GRIN2D: variants seen among roughly 807,000 people sequenced by gnomAD.
GRIN2D encodes the protein glutamate ionotropic receptor NMDA type subunit 2D.
A neutral mutation model predicts 103.2 loss-of-function variants in GRIN2D; 37 were observed. The ratio of observed to expected loss-of-function variants is 0.36; its 90% confidence interval spans 0.28 to 0.47. The LOEUF (loss-of-function observed/expected upper bound fraction) is 0.47. Among genes scored for constraint, GRIN2D ranks in the 20% least tolerant of loss-of-function variants. The pLI, the probability that GRIN2D is intolerant of heterozygous loss-of-function variation, is 1.00. For missense variants in GRIN2D, 1,557 were observed against 1,910.6 expected (o/e 0.81, Z 3.45); for synonymous variants, 845 against 885.6 (o/e 0.95, Z 0.81).
intron 2 of GRIN2D, among the ~76,000 whole-genome samples, chr19:48,397,043 T>C (rs1970651775): frequency 6.6e-6 from 1 of 152,028 alleles, no homozygotes; most frequent in African/African-American, 2.4e-5. Context: ...AGAGAGGCTG[T>C]ATTTCCTCTA....
At chr19:48,395,144 C>T (rs951992324) in intron 2 of GRIN2D, among the ~76,000 whole-genome samples, 5 of 151,922 alleles carry the variant, frequency 3.3e-5, no homozygotes, top group African/African-American at 9.7e-5. Flanking sequence ...TGAGTCCCTA[C>T]ACCTCAGACC....
At position 48,419,248 on chromosome 19, in the gene GRIN2D, G is replaced by A. The variant is rs781357526; in HGVS notation, c.1750G>A (p.Ala584Thr). The A allele has an allele frequency of 1.2e-6, 2 of 1,608,272 alleles. No homozygotes were observed. Among genetic ancestry groups the A allele is most frequent in the South Asian group, 1.1e-5 (1 of 90,986 alleles). Residue 584 changes from alanine (A) to threonine (T), a missense_variant, in exon 9 of 14, where the codon GCC becomes ACC. Ala to Thr is a moderately conservative substitution (Grantham distance 58). This residue lies in a region of GRIN2D where 197 missense variants were observed against 334.1 expected (regional missense o/e 0.59). Transcript: ENST00000263269. ...PSAFLEPYSP[A>T]VWVMMFVMCL... ...CTTGTCCCCAGAGCCCTACAGCCCC[G>A]CCGTGTGGGTGATGATGTTCGTCAT... is the stretch of plus-strand genomic sequence containing the variant.
chr19:48,435,486 C>T (rs1435235797), intron 11 of GRIN2D, among the ~76,000 whole-genome samples: 1 of 152,012 alleles, frequency 6.6e-6, no homozygotes, highest in Non-Finnish European at 1.5e-5. Flanking sequence ...AACAGGGTTT[C>T]GCCATGTTGG....
chr19:48,406,254 C>T (rs868703988), intron 4 of GRIN2D, among the ~76,000 whole-genome samples: 34 of 152,184 alleles, frequency 2.2e-4, no homozygotes, highest in Admixed American at 3.9e-4. Context: ...GAATATTACT[C>T]CTGCACATGG....
intron 2 of GRIN2D, among the ~76,000 whole-genome samples, chr19:48,395,206 A>C (rs1970623447): frequency 6.7e-6 from 1 of 149,492 alleles, no homozygotes; most frequent in Non-Finnish European, 1.5e-5. Flanking sequence ...ATCCCCACAT[A>C]CCTGATGCCC....
chr19:48,421,539 CTT>C lies in GRIN2D; in HGVS notation c.2092-245_2092-244del, dbSNP rs1435148563. On this transcript the variant is annotated intron_variant, in intron 10 of 13. Transcript: ENST00000263269. The surrounding 1 kb of genome is among the most constrained non-coding windows in gnomAD (Gnocchi z 4.8). Reference sequence around the variant, plus strand: ...CCTCCCGCGATTCAGTAAGTGAAGACTTAACACCTGGCACATCAGGGGCCTCA... The same window carrying C: ...CCTCCCGCGATTCAGTAAGTGAAGACAACACCTGGCACATCAGGGGCCTCA... 5.9e-5 allele frequency among the ~76,000 whole-genome samples: 9 copies of C among 152,190 alleles called. No individual in the cohort carries two copies. Among genetic ancestry groups the C allele is most frequent in the Middle Eastern group, 3.2e-3 (1 of 316 alleles).
chr19:48,402,819 T>C, intron 3 of GRIN2D, among the ~76,000 whole-genome samples: 1 of 137,764 alleles, frequency 7.3e-6, no homozygotes, highest in Non-Finnish European at 1.5e-5. Flanking sequence ...GGGAACAGTC[T>C]TGAGATAGGG....
chr19:48,442,229 G>A lies in GRIN2D; in HGVS notation c.2520G>A (p.Leu840=), dbSNP rs1461017550. The A allele has an allele frequency of 6.2e-7, 1 of 1,614,090 alleles. No homozygotes were observed. Among genetic ancestry groups the A allele is most frequent in the African/African-American group, 1.3e-5 (1 of 74,924 alleles). ...AAATCGAGGTGATGAGCAGCAAGCT[G>A]GACATCGACAACATGGCGGGCGTCT... ...NDKIEVMSSK[L]DIDNMAGVFY... Residue 840 remains leucine, a synonymous_variant, in exon 13 of 14, where the codon CTG becomes CTA. Coordinates refer to ENST00000263269, the MANE Select transcript of GRIN2D (RefSeq NM_000836.4). This position sits in a 1 kb window ranked among gnomAD's most constrained non-coding sequence, Gnocchi z 7.2.
At chr19:48,441,103 G>T (rs1418039251) in intron 11 of GRIN2D, among the ~76,000 whole-genome samples, 2 of 152,074 alleles carry the variant, frequency 1.3e-5, no homozygotes, top group Non-Finnish European at 2.9e-5. Context: ...GGTTGCTCAC[G>T]CCTGTAATCT....
At chr19:48,396,382 T>C (rs963735218) in intron 2 of GRIN2D, among the ~76,000 whole-genome samples, 1 of 151,868 alleles carries the variant, frequency 6.6e-6, no homozygotes, top group Non-Finnish European at 1.5e-5. Context: ...GCTGCCCTCC[T>C]GGGCCTCAGT....
chr19:48,411,781 C>A (rs1021825354), intron 4 of GRIN2D, among the ~76,000 whole-genome samples: 3 of 151,702 alleles, frequency 2.0e-5, no homozygotes, highest in African/African-American at 7.3e-5. Flanking sequence ...TGGGAGACAC[C>A]TTGAAGCCAG....
At chr19:48,431,052 C>G (rs768531695) in intron 11 of GRIN2D, among the ~76,000 whole-genome samples, 3 of 152,088 alleles carry the variant, frequency 2.0e-5, no homozygotes, top group African/African-American at 7.2e-5. Context: ...TTCCTGGCCT[C>G]AAGTAATCTG....
Position 48,398,897 on chromosome 19 carries a change from G to A in GRIN2D, c.465+40G>A, listed in dbSNP as rs1211669250. On this transcript the variant is annotated intron_variant, in intron 3 of 13. Transcript: ENST00000263269. ...GGCGGGGCGGGGCCACAGGAGGGGC[G>A]GGGACAGCCGCTGAGGGGCGGGACT... The A allele has an allele frequency of 6.9e-6, 9 of 1,301,238 alleles. 1 individual carries two copies. The highest frequency in any genetic ancestry group is 6.4e-5 in the South Asian group (3 of 47,104). 80.6% of individuals were successfully genotyped at this position (1,301,238 alleles called of 1,614,324 possible). A position where few individuals can be genotyped will look rare whatever the true frequency, so the allele number is the denominator to read the frequency against.
At chr19:48,416,970 C>T (rs1259084254) in intron 8 of GRIN2D, among the ~76,000 whole-genome samples, 4 of 152,152 alleles carry the variant, frequency 2.6e-5, no homozygotes, top group Admixed American at 2.0e-4. Context: ...ATCTCAAACT[C>T]CTGACCTCAG....
chr19:48,395,156 T>C (rs1449119393), intron 2 of GRIN2D, among the ~76,000 whole-genome samples: 1 of 151,560 alleles, frequency 6.6e-6, no homozygotes, highest in East Asian at 1.9e-4. Context: ...CCTCAGACCT[T>C]TCACGCCCCC....
At chr19:48,396,231 G>A (rs1382995688) in intron 2 of GRIN2D, among the ~76,000 whole-genome samples, 2 of 152,090 alleles carry the variant, frequency 1.3e-5, no homozygotes, top group Admixed American at 1.3e-4. Flanking sequence ...CTGAGGGCGT[G>A]GGTTCTGGGG....
chr19:48,424,721 C>T (rs1048374857), intron 11 of GRIN2D, among the ~76,000 whole-genome samples: 2 of 152,202 alleles, frequency 1.3e-5, no homozygotes, highest in Non-Finnish European at 2.9e-5. Context: ...CACAGCACAT[C>T]TAGGTTCAGA....
At chr19:48,403,230 A>G (rs276723) in intron 3 of GRIN2D, among the ~76,000 whole-genome samples, 84,736 of 144,172 alleles carry the variant, frequency 0.59, 26,238 homozygotes, top group East Asian at 0.81. Flanking sequence ...AAAAGGCTGG[A>G]GGATAGATTT....
At chr19:48,396,370 G>T (rs1005580568) in intron 2 of GRIN2D, among the ~76,000 whole-genome samples, 2 of 152,114 alleles carry the variant, frequency 1.3e-5, no homozygotes, top group African/African-American at 4.8e-5. Context: ...GTGGGGCCGG[G>T]GGCTGCCCTC....
Sources: gnomAD v4.1 joint callset for allele counts (sites outside exome capture counted in the v4.1 genomes callset) on GRCh38, gnomAD v4.1.1 for gene constraint, gnomAD v4.1.1 regional missense constraint, Gnocchi (gnomAD v3.1) non-coding constraint, MANE v1.5 for transcripts, NCBI Gene and HGNC (gene_info 2026-07-23, HGNC 2026-07-21) for gene names.